The following IKBIP variants were observed in gnomAD, a reference collection of about 807,000 sequenced individuals.
IKBIP encodes inhibitor of nuclear factor kappa-B kinase-interacting protein.
In IKBIP, 28 loss-of-function variants were observed where a neutral mutation model predicts 31.0. That is an observed-to-expected ratio of 0.90 (90% CI 0.67 to 1.24). IKBIP has a LOEUF of 1.24. Among genes scored for constraint, IKBIP ranks in the 50% most tolerant of loss-of-function variants. The pLI, the probability that IKBIP is intolerant of heterozygous loss-of-function variation, is 0.00. For synonymous variants in IKBIP, 164 were observed against 160.3 expected (o/e 1.02, Z -0.17); for missense variants, 453 against 441.9 (o/e 1.03, Z -0.23).
At chr12:98,638,947 G>A (rs1317021564) in intron 1 of IKBIP, among the ~76,000 whole-genome samples, 2 of 152,132 alleles carry the variant, frequency 1.3e-5, no homozygotes, top group Non-Finnish European at 2.9e-5. Flanking sequence ...ATGCCTGGCC[G>A]AGTTATTGTA....
chr12:98,623,361 T>G (rs149805529), downstream of IKBIP, among the ~76,000 whole-genome samples: 47 of 150,896 alleles, frequency 3.1e-4, no homozygotes, highest in East Asian at 6.6e-3. Context: ...ACTGCAACCT[T>G]GAACACCTGG....
At chr12:98,626,814 A>C in intron 2 of IKBIP, 48 bp from the exon 3 acceptor site, 1 of 1,435,528 alleles carries the variant, frequency 7.0e-7, no homozygotes, top group Non-Finnish European at 9.5e-7. Flanking sequence ...AATAATTTTC[A>C]TATTAGAGAA....
chr12:98,618,613 C>G (rs533136969), intron 2 of IKBIP, among the ~76,000 whole-genome samples: 82 of 143,372 alleles, frequency 5.7e-4, no homozygotes, highest in Middle Eastern at 7.4e-3. Flanking sequence ...GCGACAGAGC[C>G]AGACTCTGTC....
At position 98,625,041 on chromosome 12, in the gene IKBIP, T is replaced by C. The variant is rs1335283163; in HGVS notation, c.*889A>G. ...AGATGGTCTTGATCTCCTGACTTCGTGATCTGCCCACCTCGGCCTCCCAAA... is the reference window on the plus strand; with the variant it reads ...AGATGGTCTTGATCTCCTGACTTCGCGATCTGCCCACCTCGGCCTCCCAAA... On this transcript the variant is annotated 3_prime_UTR_variant, in exon 3 of 3. Coordinates refer to ENST00000299157, the MANE Select transcript of IKBIP (RefSeq NM_153687.4). 2 of 633,310 alleles carry C rather than the reference T, an allele frequency of 3.2e-6. No homozygotes were observed. The highest frequency in any genetic ancestry group is 1.3e-4 in the Admixed American group (2 of 15,822). 39.2% of individuals were successfully genotyped at this position (633,310 alleles called of 1,614,324 possible). A position where few individuals can be genotyped will look rare whatever the true frequency, so the allele number is the denominator to read the frequency against.
At chr12:98,632,775 C>T (rs1310211277) in intron 2 of IKBIP, among the ~76,000 whole-genome samples, 1 of 151,290 alleles carries the variant, frequency 6.6e-6, no homozygotes, top group Admixed American at 6.6e-5. Context: ...CAGGCATGAA[C>T]CACCATGCTC....
intron 1 of IKBIP, among the ~76,000 whole-genome samples, chr12:98,642,567 T>A (rs988157065): frequency 6.6e-6 from 1 of 151,792 alleles, no homozygotes; most frequent in Non-Finnish European, 1.5e-5. Flanking sequence ...AATTAACATA[T>A]TCCGTATTAG....
chr12:98,619,709 C>G (rs1045999949), downstream of IKBIP, among the ~76,000 whole-genome samples: 9 of 151,532 alleles, frequency 5.9e-5, no homozygotes, highest in Admixed American at 5.3e-4. Flanking sequence ...CTCAGGAGTT[C>G]AAGACCAGCC....
chr12:98,643,886 G>A (rs2097634328), intron 1 of IKBIP, among the ~76,000 whole-genome samples: 1 of 149,152 alleles, frequency 6.7e-6, no homozygotes, highest in Admixed American at 6.9e-5. Context: ...TGCGATCTTG[G>A]CTCATAGCAA....
At position 98,626,385 on chromosome 12, in the gene IKBIP, C is replaced by T. The variant is rs61753343; in HGVS notation, c.679G>A (p.Val227Ile). Residue 227 changes from valine to isoleucine, a missense_variant, in exon 3 of 3, where the codon GTA (valine) becomes ATA (isoleucine). By Grantham distance (29) the Val-to-Ile change is conservative. Transcript: ENST00000299157. ...GTATCAGAGCCTAGCTGCTCCTCTA[C>T]TCGCAGGAGATCTTCTTCTTCTTGT... ...KRQEEEDLLRVEEQLGSDTKA... is the reference protein window; with the variant it reads ...KRQEEEDLLRIEEQLGSDTKA... 2,923 of 1,613,890 alleles carry T rather than the reference C, an allele frequency of 1.8e-3. 2 individuals are homozygous for T. The highest frequency in any genetic ancestry group is 2.3e-3 in the Non-Finnish European group (2,691 of 1,180,024).
intron 2 of IKBIP, chr12:98,614,399 T>A: frequency 1.1e-6 from 1 of 882,916 alleles, no homozygotes; most frequent in Non-Finnish European, 1.6e-6. Flanking sequence ...CATTTAAAAT[T>A]CATCTTAAAT....
At chr12:98,632,964 T>A (rs1364927255) in intron 2 of IKBIP, among the ~76,000 whole-genome samples, 1 of 152,014 alleles carries the variant, frequency 6.6e-6, no homozygotes, top group Non-Finnish European at 1.5e-5. Flanking sequence ...AAATACCAAC[T>A]CCTTTGCAGC....
intron 1 of IKBIP, among the ~76,000 whole-genome samples, chr12:98,636,799 T>G (rs930585630): frequency 1.3e-5 from 2 of 152,048 alleles, no homozygotes; most frequent in African/African-American, 4.8e-5. Flanking sequence ...GATTTTTTTT[T>G]TTTCCCCCAG....
At chr12:98,615,545 A>G (rs2097605822) in intron 2 of IKBIP, among the ~76,000 whole-genome samples, 1 of 152,176 alleles carries the variant, frequency 6.6e-6, no homozygotes, top group Non-Finnish European at 1.5e-5. Context: ...GCAATTTTCA[A>G]GTATATATTA....
intron 2 of IKBIP, among the ~76,000 whole-genome samples, chr12:98,615,458 A>T (rs1385920174): frequency 6.6e-6 from 1 of 152,076 alleles, no homozygotes; most frequent in Non-Finnish European, 1.5e-5. Context: ...GAAACTCCTA[A>T]TCTCAAGTGA....
intron 2 of IKBIP, among the ~76,000 whole-genome samples, chr12:98,630,437 G>T: frequency 7.8e-6 from 1 of 128,084 alleles, no homozygotes; most frequent in Non-Finnish European, 1.6e-5. Flanking sequence ...ATTAGTGCTT[G>T]ATTGTTTTCA....
chr12:98,642,760 C>CTGGCTTTTT (rs1243160572), intron 1 of IKBIP, among the ~76,000 whole-genome samples: 1 of 151,232 alleles, frequency 6.6e-6, no homozygotes, highest in Non-Finnish European at 1.5e-5. Flanking sequence ...GCCACCATGC[C>CTGGCTTTTT]TGGCTTTTTT....
At chr12:98,613,762 G>T (rs1291486661) in exon 3 of IKBIP, 3 of 1,611,514 alleles carry the variant, frequency 1.9e-6, no homozygotes, top group Non-Finnish European at 2.5e-6. Context: ...GTTCTAAACG[G>T]GAAAAGTCCT....
In IKBIP at chr12:98,634,151, A is replaced by G. The variant is rs565294498; in HGVS notation, c.297+145T>C. The stretch of plus-strand genomic sequence containing the variant: ...CTGAGTCAAAATGGCTCAGAGGGAG[A>G]ATGTCAAGAGGTAGGAAGATCAGTG... On this transcript the variant is annotated intron_variant, in intron 2 of 2. Coordinates refer to ENST00000299157, the MANE Select transcript of IKBIP (RefSeq NM_153687.4). 5.7e-6 allele frequency: 3 copies of G among 524,430 alleles called. No homozygotes were observed. In the Admixed American group the frequency reaches 1.1e-4, roughly 19 times the overall value. The allele number at this position is 524,430 out of a possible 1,614,324, so 32.5% of individuals were successfully genotyped here.
downstream of IKBIP, among the ~76,000 whole-genome samples, chr12:98,622,798 T>C (rs992402059): frequency 1.3e-5 from 2 of 152,180 alleles, no homozygotes; most frequent in Non-Finnish European, 2.9e-5. Flanking sequence ...CCACACAGGC[T>C]AATAAATCAA....
Sources: allele counts gnomAD v4.1 joint callset (sites outside exome capture counted in the v4.1 genomes callset), GRCh38; gene constraint gnomAD v4.1.1; transcripts MANE v1.5; gene names NCBI Gene and HGNC (gene_info 2026-07-23, HGNC 2026-07-21).